GALNT18: variants seen among roughly 807,000 people sequenced by gnomAD.
The protein encoded by GALNT18 is polypeptide N-acetylgalactosaminyltransferase 18.
Under a neutral mutation model 69.5 loss-of-function variants are expected in GALNT18, and 44 were observed. The observed-to-expected ratio is 0.63, with a 90% confidence interval of 0.50 to 0.81. GALNT18 has a LOEUF of 0.81. GALNT18 is among the 40% of genes least tolerant of loss of function. The probability of loss-of-function intolerance (pLI) is 0.00; values close to 1 mark genes in which losing one functional copy is unlikely to be tolerated. For missense variants in GALNT18, 715 were observed against 810.0 expected, an observed-to-expected ratio of 0.88 and a Z score of 1.42; for synonymous variants, 364 against 318.2, an observed-to-expected ratio of 1.14 and a Z score of -1.53.
chr11:11,288,479 C>G (rs1322426643), intron 10 of GALNT18, among the ~76,000 whole-genome samples: 2 of 152,314 alleles, frequency 1.3e-5, no homozygotes, highest in Middle Eastern at 3.4e-3. Flanking sequence ...CAGCACACCC[C>G]TCGGTTTCTG....
chr11:11,517,890 A>G (rs1270816616), intron 1 of GALNT18, among the ~76,000 whole-genome samples: 4 of 152,258 alleles, frequency 2.6e-5, no homozygotes, highest in East Asian at 3.8e-4. Context: ...GAGAAAAGAA[A>G]TCTGCAATTT....
intron 1 of GALNT18, among the ~76,000 whole-genome samples, chr11:11,472,951 C>T (rs1246447281): frequency 6.6e-6 from 1 of 151,966 alleles, no homozygotes; most frequent in Non-Finnish European, 1.5e-5. Flanking sequence ...ATGATCAAGC[C>T]ATGGCACTCC....
At chr11:11,437,058 C>T (rs559418068) in intron 2 of GALNT18, among the ~76,000 whole-genome samples, 1 of 152,302 alleles carries the variant, frequency 6.6e-6, no homozygotes, top group South Asian at 2.1e-4. Flanking sequence ...CCTGCCTACT[C>T]GCCCAGAGCC....
chr11:11,319,384 T>C (rs1026613551), intron 9 of GALNT18, among the ~76,000 whole-genome samples: 21 of 152,208 alleles, frequency 1.4e-4, no homozygotes, highest in African/African-American at 4.1e-4. Flanking sequence ...CACCAGAATA[T>C]AGCTTCACAA....
chr11:11,285,640 C>A (rs549469703), intron 10 of GALNT18, among the ~76,000 whole-genome samples: 17 of 152,198 alleles, frequency 1.1e-4, no homozygotes, highest in Non-Finnish European at 1.6e-4. Flanking sequence ...CTTCATATGA[C>A]ATGAAAGGCT....
chr11:11,328,764 C>T (rs1849968884), intron 8 of GALNT18, among the ~76,000 whole-genome samples: 1 of 152,162 alleles, frequency 6.6e-6, no homozygotes, highest in Admixed American at 6.5e-5. Context: ...CATATGTAAA[C>T]ACACTTTGTT....
rs1858850375 is a variant in GALNT18, at chr11:11,573,712, G to A, written c.235+47647C>T. 6.6e-6 allele frequency: 1 copy of A among 152,214 alleles called. No individual in the cohort carries two copies. Among genetic ancestry groups the A allele is most frequent in the African/African-American group, 2.4e-5 (1 of 41,456 alleles). 9.4% of individuals were successfully genotyped at this position (152,214 alleles called of 1,614,324 possible). On this transcript the variant is annotated intron_variant, in intron 1 of 10. Transcript: ENST00000227756. The surrounding 1 kb of genome is among the most constrained non-coding windows in gnomAD (Gnocchi z 4.6). ...CTCCAGCCAAAAGCTTCATGAGATG[G>A]AAGGGGATATCCTATCTCCTATATT...
chr11:11,368,789 G>A (rs1850831076), intron 6 of GALNT18, among the ~76,000 whole-genome samples: 1 of 152,058 alleles, frequency 6.6e-6, no homozygotes, highest in Admixed American at 6.5e-5. Flanking sequence ...TATATTCCGT[G>A]TCTGATGGAT....
At chr11:11,343,411 A>G (rs1850246664) in intron 6 of GALNT18, among the ~76,000 whole-genome samples, 1 of 152,164 alleles carries the variant, frequency 6.6e-6, no homozygotes, top group African/African-American at 2.4e-5. Context: ...TCAAGAACAC[A>G]CAGCTGATAC....
At chr11:11,509,693 T>C (rs1590061541) in intron 1 of GALNT18, among the ~76,000 whole-genome samples, 1 of 152,346 alleles carries the variant, frequency 6.6e-6, no homozygotes, top group East Asian at 1.9e-4. Flanking sequence ...CAGAAATAAA[T>C]AGAGGCCTCA....
intron 1 of GALNT18, among the ~76,000 whole-genome samples, chr11:11,460,794 A>G (rs1452844394): frequency 6.6e-6 from 1 of 152,204 alleles, no homozygotes; most frequent in African/African-American, 2.4e-5. Flanking sequence ...AAAACTCCCT[A>G]AAGCTGCAGT....
At chr11:11,466,284 C>A (rs1420522271) in intron 1 of GALNT18, among the ~76,000 whole-genome samples, 1 of 152,204 alleles carries the variant, frequency 6.6e-6, no homozygotes, top group Non-Finnish European at 1.5e-5. Context: ...CCAGTGCCAC[C>A]TTTACGTGAA....
intron 1 of GALNT18, among the ~76,000 whole-genome samples, chr11:11,491,190 T>C (rs556923346): frequency 2.0e-5 from 3 of 152,288 alleles, no homozygotes; most frequent in African/African-American, 7.2e-5. Flanking sequence ...GCCCTGGACA[T>C]GCAAGGGCAC....
At position 11,352,302 on chromosome 11, in the gene GALNT18, A is replaced by G. The variant is rs761691131; in HGVS notation, c.1093-11298T>C. On this transcript the variant is annotated intron_variant, in intron 6 of 10. Coordinates refer to ENST00000227756, the MANE Select transcript of GALNT18 (RefSeq NM_198516.3). ...CCATCGCTTTCGAGAGTGTCTGCCC[A>G]AGATATCATTGAAACGTGGATCTAA... 4 of 1,614,008 alleles carry G rather than the reference A, an allele frequency of 2.5e-6. No homozygotes were observed. In the African/African-American group the frequency reaches 5.3e-5, roughly 22 times the overall value.
intron 1 of GALNT18, among the ~76,000 whole-genome samples, chr11:11,520,108 C>T (rs539437562): frequency 1.3e-5 from 2 of 152,212 alleles, no homozygotes. Flanking sequence ...GAGTCCCTGG[C>T]CAGTGCCCTT....
At chr11:11,354,956 C>A (rs1850497554) in intron 6 of GALNT18, among the ~76,000 whole-genome samples, 1 of 152,122 alleles carries the variant, frequency 6.6e-6, no homozygotes, top group African/African-American at 2.4e-5. Context: ...TCGGCAAAAG[C>A]AGACAGTTCT....
chr11:11,290,079 C>T (rs1216921289), intron 10 of GALNT18, among the ~76,000 whole-genome samples: 14 of 152,096 alleles, frequency 9.2e-5, no homozygotes, highest in Non-Finnish European at 1.3e-4. Context: ...GGCCACTGCT[C>T]ATCCTCCTCC....
intron 1 of GALNT18, among the ~76,000 whole-genome samples, chr11:11,504,806 T>C (rs1857040300): frequency 6.6e-6 from 1 of 152,104 alleles, no homozygotes; most frequent in African/African-American, 2.4e-5. Context: ...TGAGAGCCTA[T>C]ACTTGCTAGG....
At position 11,583,039 on chromosome 11, in the gene GALNT18, C is replaced by T. The variant is rs890017302; in HGVS notation, c.235+38320G>A. On this transcript the variant is annotated intron_variant, in intron 1 of 10. Coordinates refer to ENST00000227756, the MANE Select transcript of GALNT18 (RefSeq NM_198516.3). This position sits in a 1 kb window ranked among gnomAD's most constrained non-coding sequence, Gnocchi z 4.7. The stretch of plus-strand genomic sequence containing the variant: ...GGCATGGGACTCTAAGTCCTGCCAA[C>T]ACTCAACTCAGGAAGGTCGTTCATG... 6.6e-6 allele frequency among the ~76,000 whole-genome samples: 1 copy of T among 152,216 alleles called. No homozygotes were observed. Among genetic ancestry groups the T allele is most frequent in the East Asian group, 1.9e-4 (1 of 5,198 alleles).
Sources: gnomAD v4.1 joint callset for allele counts (sites outside exome capture counted in the v4.1 genomes callset) on GRCh38, gnomAD v4.1.1 for gene constraint, Gnocchi (gnomAD v3.1) non-coding constraint, MANE v1.5 for transcripts, NCBI Gene and HGNC (gene_info 2026-07-23, HGNC 2026-07-21) for gene names.